The following FARS2 variants were observed in gnomAD, a reference collection of about 807,000 sequenced individuals.
FARS2 encodes the protein phenylalanyl-tRNA synthetase 2, mitochondrial.
Under a neutral mutation model 46.4 loss-of-function variants are expected in FARS2, and 40 were observed. That is an observed-to-expected ratio of 0.86 (90% confidence interval 0.67 to 1.12). The LOEUF (loss-of-function observed/expected upper bound fraction) is 1.12, where lower values mean the gene tolerates loss of function less well. Ranked by LOEUF, FARS2 falls within the 50% of genes most tolerant of loss-of-function variation. The probability of loss-of-function intolerance (pLI) is 0.00; values close to 1 mark genes in which losing one functional copy is unlikely to be tolerated. For missense variants in FARS2, 513 were observed against 567.9 expected (o/e 0.90, Z 0.98); for synonymous variants, 234 against 214.9 (o/e 1.09, Z -0.78).
At chr6:5,688,235 G>A (rs1473506868) in intron 6 of FARS2, among the ~76,000 whole-genome samples, 7 of 152,212 alleles carry the variant, frequency 4.6e-5, no homozygotes, top group African/African-American at 9.6e-5. Flanking sequence ...TTCCAACACT[G>A]TGTTGAATAG....
intron 4 of FARS2, among the ~76,000 whole-genome samples, chr6:5,444,780 T>TG (rs374844456): frequency 3.6e-4 from 29 of 80,696 alleles, no homozygotes; most frequent in African/African-American, 7.8e-4. Context: ...AACAGTAAAA[T>TG]GGGGCGGGGG....
intron 5 of FARS2, among the ~76,000 whole-genome samples, chr6:5,576,700 A>G (rs564250532): frequency 2.3e-4 from 35 of 150,614 alleles, no homozygotes; most frequent in African/African-American, 8.5e-4. Context: ...ACATTCTTTT[A>G]TAAGGAAGAG....
chr6:5,376,346 C>T (rs917593722), intron 2 of FARS2, among the ~76,000 whole-genome samples: 5 of 152,094 alleles, frequency 3.3e-5, no homozygotes, highest in Admixed American at 1.3e-4. Context: ...AAATATGATT[C>T]CAAACTCAGC....
At chr6:5,250,640 T>A in the FARS2 span, among the ~76,000 whole-genome samples, 2 of 152,220 alleles carry the variant, frequency 1.3e-5, no homozygotes, top group African/African-American at 4.8e-5. Context: ...TGGAGCATTG[T>A]TGAAGAGGTC....
At chr6:5,267,751 CAAA>C (rs71540859) in intron 1 of FARS2, among the ~76,000 whole-genome samples, 21 of 109,300 alleles carry the variant, frequency 1.9e-4, no homozygotes, top group African/African-American at 4.8e-4. Context: ...GAGACTGTCT[CAAA>C]AAAAAAAAAA....
At chr6:5,333,603 C>T (rs797132) in intron 1 of FARS2, among the ~76,000 whole-genome samples, 104,591 of 152,076 alleles carry the variant, frequency 0.69, 36,780 homozygotes, top group African/African-American at 0.82. Context: ...TTGCCGGACA[C>T]TGAGGATTTA....
chr6:5,424,048 A>G (rs977633988), intron 3 of FARS2, among the ~76,000 whole-genome samples: 3 of 152,200 alleles, frequency 2.0e-5, no homozygotes, highest in African/African-American at 7.2e-5. Context: ...GTAAACAGCA[A>G]GGGCAAGGAA....
intron 6 of FARS2, among the ~76,000 whole-genome samples, chr6:5,709,738 G>C (rs1440758282): frequency 1.3e-5 from 2 of 150,486 alleles, no homozygotes; most frequent in Admixed American, 6.6e-5. Context: ...GGTTGTGTGT[G>C]TGTGTGTGCG....
At chr6:5,319,795 A>T (rs1375132492) in intron 1 of FARS2, among the ~76,000 whole-genome samples, 1 of 152,186 alleles carries the variant, frequency 6.6e-6, no homozygotes, top group Non-Finnish European at 1.5e-5. Context: ...GACTTGGATC[A>T]GCTTAAAGGG....
chr6:5,473,041 G>T (rs565615946), intron 4 of FARS2, among the ~76,000 whole-genome samples: 1 of 152,130 alleles, frequency 6.6e-6, no homozygotes, highest in Non-Finnish European at 1.5e-5. Flanking sequence ...ATGTTCATAC[G>T]TGGAATTATT....
chr6:5,398,411 G>C (rs1581987419), intron 2 of FARS2, among the ~76,000 whole-genome samples: 2 of 151,992 alleles, frequency 1.3e-5, no homozygotes, highest in Admixed American at 1.3e-4. Flanking sequence ...TTATTTTATT[G>C]CTGAAATTTA....
chr6:5,602,806 C>CCTCCTCAG, intron 5 of FARS2, among the ~76,000 whole-genome samples: 1 of 152,274 alleles, frequency 6.6e-6, no homozygotes, highest in East Asian at 1.9e-4. Flanking sequence ...TTACCCCTCC[C>CCTCCTCAG]CTCCTCAGTC....
intron 6 of FARS2, among the ~76,000 whole-genome samples, chr6:5,651,046 C>T (rs1014272832): frequency 6.6e-6 from 1 of 152,178 alleles, no homozygotes; most frequent in Non-Finnish European, 1.5e-5. Context: ...TCAGTTGCCT[C>T]TCAATACAGT....
At chr6:5,606,137 A>G (rs1388860941) in intron 5 of FARS2, among the ~76,000 whole-genome samples, 1 of 151,982 alleles carries the variant, frequency 6.6e-6, no homozygotes, top group African/African-American at 2.4e-5. Flanking sequence ...TAGGGCTGGA[A>G]TTTTTCAGAA....
intron 4 of FARS2, among the ~76,000 whole-genome samples, chr6:5,450,478 T>C (rs985841682): frequency 2.6e-5 from 4 of 151,938 alleles, no homozygotes; most frequent in Non-Finnish European, 5.9e-5. Flanking sequence ...CATGCCGTTG[T>C]AGTGTGAAGG....
upstream of FARS2, chr6:5,260,856 A>G: frequency 2.7e-6 from 4 of 1,490,848 alleles, no homozygotes; most frequent in Non-Finnish European, 3.6e-6. Flanking sequence ...CGGCTTTGCC[A>G]GCGGGCCGGG....
At chr6:5,546,602 G>A (rs1007918409) in intron 5 of FARS2, among the ~76,000 whole-genome samples, 1 of 151,842 alleles carries the variant, frequency 6.6e-6, no homozygotes, top group African/African-American at 2.4e-5. Flanking sequence ...TCAGAATGAA[G>A]CTGCATATAT....
intron 6 of FARS2, among the ~76,000 whole-genome samples, chr6:5,718,354 C>T (rs1173945485): frequency 6.6e-6 from 1 of 152,240 alleles, no homozygotes; most frequent in Admixed American, 6.5e-5. Flanking sequence ...CCACCCCCAA[C>T]TGGGCCCATG....
intron 6 of FARS2, among the ~76,000 whole-genome samples, chr6:5,649,555 G>A (rs1777242470): frequency 6.6e-6 from 1 of 152,176 alleles, no homozygotes; most frequent in Non-Finnish European, 1.5e-5. Flanking sequence ...TGTGGTGTTC[G>A]CCCTACCTGG....
Sources: gnomAD v4.1 joint callset for allele counts (sites outside exome capture counted in the v4.1 genomes callset) on GRCh38, gnomAD v4.1.1 for gene constraint, MANE v1.5 for transcripts, NCBI Gene and HGNC (gene_info 2026-07-23, HGNC 2026-07-21) for gene names.